The following PPARGC1A variants were observed in gnomAD, a reference collection of about 807,000 sequenced individuals.
PPARGC1A encodes the protein PPARG coactivator 1 alpha, also known as peroxisome proliferator-activated receptor gamma coactivator 1-alpha.
A neutral mutation model predicts 88.7 loss-of-function variants in PPARGC1A; 25 were observed. That is an observed-to-expected ratio of 0.28 (90% CI 0.21 to 0.39). The LOEUF (loss-of-function observed/expected upper bound fraction) is 0.39, where lower values mean the gene tolerates loss of function less well. Ranked by LOEUF, PPARGC1A falls within the 10% of genes least tolerant of loss-of-function variation. PPARGC1A has a pLI of 1.00. For synonymous variants in PPARGC1A, 363 were observed against 355.6 expected, an observed-to-expected ratio of 1.02 and a Z score of -0.24; for missense variants, 880 against 968.7, an observed-to-expected ratio of 0.91 and a Z score of 1.22.
the PPARGC1A span, among the ~76,000 whole-genome samples, chr4:24,370,717 C>A: frequency 1.4e-4 from 19 of 134,658 alleles, no homozygotes; most frequent in African/African-American, 5.1e-4. Context: ...CCATTCTCTT[C>A]TCATCTTCCT....
the PPARGC1A span, among the ~76,000 whole-genome samples, chr4:24,026,925 C>T: frequency 3.3e-5 from 5 of 152,210 alleles, no homozygotes; most frequent in South Asian, 6.2e-4. Context: ...TCCTATCCTG[C>T]CCTCTTTCCC....
the PPARGC1A span, among the ~76,000 whole-genome samples, chr4:23,932,590 C>T: frequency 1.1e-4 from 16 of 151,250 alleles, no homozygotes; most frequent in African/African-American, 3.4e-4. Context: ...ATGGAAAAAA[C>T]GAAGTAGTGT....
At chr4:24,370,120 T>G in the PPARGC1A span, among the ~76,000 whole-genome samples, 1 of 152,230 alleles carries the variant, frequency 6.6e-6, no homozygotes, top group African/African-American at 2.4e-5. Context: ...GTTAAAGATG[T>G]TAACTTTTTG....
At chr4:24,442,626 C>A in the PPARGC1A span, among the ~76,000 whole-genome samples, 1 of 152,138 alleles carries the variant, frequency 6.6e-6, no homozygotes, top group South Asian at 2.1e-4. Context: ...TGATAGTAAT[C>A]TGTTTTTTGG....
At chr4:24,232,197 G>A in the PPARGC1A span, among the ~76,000 whole-genome samples, 10,030 of 140,646 alleles carry the variant, frequency 0.071, 409 homozygotes, top group African/African-American at 0.11. Flanking sequence ...GGGACAGGAA[G>A]GATTGAAAAA....
the PPARGC1A span, among the ~76,000 whole-genome samples, chr4:24,236,340 G>T: frequency 6.6e-6 from 1 of 152,084 alleles, no homozygotes; most frequent in Non-Finnish European, 1.5e-5. Flanking sequence ...GTCATAAAAT[G>T]GGACTCACCC....
chr4:23,909,399 C>T, the PPARGC1A span, among the ~76,000 whole-genome samples: 4 of 152,070 alleles, frequency 2.6e-5, no homozygotes, highest in Admixed American at 6.6e-5. Context: ...ATAGTACTGG[C>T]GAAACCTGCG....
the PPARGC1A span, among the ~76,000 whole-genome samples, chr4:24,016,680 G>C: frequency 6.6e-6 from 1 of 152,148 alleles, no homozygotes; most frequent in Non-Finnish European, 1.5e-5. Flanking sequence ...GGCCCCAATA[G>C]AATTTTTAAG....
the PPARGC1A span, among the ~76,000 whole-genome samples, chr4:24,318,916 T>C: frequency 6.6e-6 from 1 of 152,176 alleles, no homozygotes; most frequent in Non-Finnish European, 1.5e-5. Flanking sequence ...AGGTAGGATG[T>C]GAACCTCACC....
At chr4:23,976,734 G>A in the PPARGC1A span, among the ~76,000 whole-genome samples, 1 of 152,190 alleles carries the variant, frequency 6.6e-6, no homozygotes, top group South Asian at 2.1e-4. Flanking sequence ...TAAGGACAAC[G>A]AGAAGGTGGC....
chr4:24,327,214 C>T, the PPARGC1A span, among the ~76,000 whole-genome samples: 2 of 152,174 alleles, frequency 1.3e-5, no homozygotes, highest in East Asian at 1.9e-4. Context: ...TTTTATTAGG[C>T]CCCAGTCTCA....
At chr4:23,986,378 T>A in the PPARGC1A span, among the ~76,000 whole-genome samples, 1 of 152,094 alleles carries the variant, frequency 6.6e-6, no homozygotes, top group Non-Finnish European at 1.5e-5. Context: ...GTTCTCAAAT[T>A]AAAATGATTT....
At chr4:24,173,612 C>G in the PPARGC1A span, among the ~76,000 whole-genome samples, 4 of 152,136 alleles carry the variant, frequency 2.6e-5, no homozygotes, top group African/African-American at 4.8e-5. Flanking sequence ...CATCTGAACC[C>G]AGCAGCTGGA....
the PPARGC1A span, among the ~76,000 whole-genome samples, chr4:24,408,939 G>A: frequency 6.6e-6 from 1 of 152,188 alleles, no homozygotes; most frequent in Non-Finnish European, 1.5e-5. Flanking sequence ...TTCTCTTAAA[G>A]ATGTGTTCTT....
At position 23,885,282 on chromosome 4, in the gene PPARGC1A, T is replaced by C. The variant is rs3774905; in HGVS notation, c.55-351A>G. ...TTTGATAGTTACTGCTTCCAAAGTT[T>C]TAAACTGTCTTATAGTTAACCATAA... On this transcript the variant is annotated intron_variant, in intron 1 of 12. Transcript: ENST00000264867. Among the ~76,000 whole-genome samples, 1,043 of 152,312 alleles carry C rather than the reference T, an allele frequency of 6.8e-3. 42 individuals carry two copies. In the East Asian group the frequency reaches 0.11, roughly 16 times the overall value.
At chr4:24,315,260 G>C in the PPARGC1A span, among the ~76,000 whole-genome samples, 2 of 152,162 alleles carry the variant, frequency 1.3e-5, no homozygotes, top group Non-Finnish European at 2.9e-5. Context: ...CAGTAGAAAA[G>C]AATGTTAAGA....
the PPARGC1A span, among the ~76,000 whole-genome samples, chr4:24,470,082 C>T: frequency 6.6e-6 from 1 of 152,080 alleles, no homozygotes; most frequent in African/African-American, 2.4e-5. The surrounding 1 kb of genome is among the most constrained non-coding windows in gnomAD (Gnocchi z 5.8). Context: ...GTTTCACGGC[C>T]CCGGGGTGCA....
the PPARGC1A span, among the ~76,000 whole-genome samples, chr4:24,121,198 G>A: frequency 6.6e-6 from 1 of 152,224 alleles, no homozygotes; most frequent in Non-Finnish European, 1.5e-5. Context: ...ACAGTCCAGT[G>A]ACAGTGGCCA....
chr4:24,057,691 T>G, the PPARGC1A span, among the ~76,000 whole-genome samples: 3 of 152,236 alleles, frequency 2.0e-5, no homozygotes, highest in Admixed American at 1.3e-4. Flanking sequence ...GCTGGCTTCC[T>G]GAGAGGAAGA....
Sources: allele counts gnomAD v4.1 joint callset (sites outside exome capture counted in the v4.1 genomes callset), GRCh38; gene constraint gnomAD v4.1.1; non-coding constraint Gnocchi (gnomAD v3.1); transcripts MANE v1.5; gene names NCBI Gene and HGNC (gene_info 2026-07-23, HGNC 2026-07-21).